DGKZ: variants seen among roughly 807,000 people sequenced by gnomAD.
DGKZ encodes the protein diacylglycerol kinase zeta, also known as DAG kinase zeta.
A neutral mutation model predicts 142.5 loss-of-function variants in DGKZ; 45 were observed. The observed-to-expected ratio is 0.32, with a 90% CI of 0.25 to 0.40. The LOEUF is 0.40. DGKZ is among the 10% of genes least tolerant of loss of function. The pLI is 1.00. For missense variants in DGKZ, 755 were observed against 1,306.5 expected (o/e 0.58, Z 6.51); for synonymous variants, 442 against 527.0 (o/e 0.84, Z 2.21).
chr11:46,377,368 G>T, intron 25 of DGKZ, 156 bp downstream of exon 25: 1 of 1,357,354 alleles, frequency 7.4e-7, no homozygotes, highest in Non-Finnish European at 9.7e-7. Context: ...CAGCCCTGTG[G>T]TTCTGTGGGG....
At position 46,342,154 on chromosome 11, in the gene DGKZ, G is replaced by A. The variant is rs185440152; in HGVS notation, c.212+8667G>A. Reference sequence around the variant, plus strand: ...CTTACCCAGATTCTTCTTCCTGTGTGTACCTGGGTGGATTCTGAGGGGTCC... The same window carrying A: ...CTTACCCAGATTCTTCTTCCTGTGTATACCTGGGTGGATTCTGAGGGGTCC... On this transcript the variant is annotated intron_variant, in intron 1 of 30. Transcript: ENST00000343674. Among the ~76,000 whole-genome samples the A allele has an allele frequency of 3.6e-3, 545 of 152,292 alleles. 1 individual carries two copies. Among genetic ancestry groups the A allele is most frequent in the Middle Eastern group, 6.8e-3 (2 of 294 alleles).
chr11:46,369,960 A>G, exon 6 of DGKZ: 1 of 1,613,574 alleles, frequency 6.2e-7, no homozygotes, highest in Non-Finnish European at 8.5e-7. Context: ...GTACGGCACC[A>G]CTGGGTACAC....
In DGKZ at chr11:46,379,041, G is replaced by A. The variant is rs779153269; in HGVS notation, c.2469G>A (p.Gln823=). 52 of 1,595,056 alleles carry A rather than the reference G, an allele frequency of 3.3e-5. No individual in the cohort carries two copies. Among genetic ancestry groups the A allele is most frequent in the African/African-American group, 5.4e-5 (4 of 74,650 alleles). Residue 823 remains glutamine (Q), a synonymous_variant, in exon 28 of 31, where the codon CAG becomes CAA. Transcript: ENST00000527911. ...GCGACCTCATGCACCGAGACGAGCA[G>A]AGTCGCACGCTCCTGCACCACGCAG...
intron 6 of DGKZ, 38 bp from the exon 7 acceptor site, chr11:46,371,275 C>G (rs10838601): frequency 0.34 from 545,772 of 1,600,204 alleles, 102,440 homozygotes; most frequent in African/African-American, 0.76. Flanking sequence ...TGCTGCTCCA[C>G]GCCTGCCCTG....
intron 5 of DGKZ, 64 bp from the exon 6 acceptor site, chr11:46,369,877 C>A: frequency 6.4e-7 from 1 of 1,562,354 alleles, no homozygotes; most frequent in Non-Finnish European, 8.8e-7. Context: ...GCCGTGTGGG[C>A]AGTCCTCAGG....
At chr11:46,333,380 G>A (rs1939862648) in exon 1 of DGKZ, 3 of 1,418,996 alleles carry the variant, frequency 2.1e-6, no homozygotes, top group African/African-American at 1.5e-5. Context: ...GCGGGGAGGA[G>A]GCCCAGGTCG....
chr11:46,353,732 G>A (rs1341670254), intron 1 of DGKZ, among the ~76,000 whole-genome samples: 2 of 149,236 alleles, frequency 1.3e-5, no homozygotes, highest in Admixed American at 1.3e-4. Flanking sequence ...TGAGAGGAGA[G>A]GGAGGGCCCC....
upstream of DGKZ, chr11:46,345,296 T>C (rs1259004567): frequency 2.2e-6 from 3 of 1,362,934 alleles, no homozygotes; most frequent in South Asian, 1.8e-5. The surrounding 1 kb of genome is among the most constrained non-coding windows in gnomAD (Gnocchi z 4.1). Flanking sequence ...AAGGCGCCTA[T>C]GAGCCCTGAG....
exon 31 of DGKZ, chr11:46,379,843 C>A (rs759458475): frequency 2.5e-6 from 4 of 1,610,068 alleles, no homozygotes; most frequent in East Asian, 4.5e-5. Flanking sequence ...CGACACTCCC[C>A]GGCAGCGGGC....
chr11:46,337,602 T>C (rs1416019840), intron 1 of DGKZ, among the ~76,000 whole-genome samples: 1 of 152,088 alleles, frequency 6.6e-6, no homozygotes, highest in African/African-American at 2.4e-5. Context: ...AGCCTTAAAA[T>C]GGATTCTAAA....
chr11:46,375,128 G>A (rs1456984978), intron 19 of DGKZ, 83 bp downstream of exon 19: 5 of 1,309,888 alleles, frequency 3.8e-6, no homozygotes, highest in East Asian at 2.5e-5. Flanking sequence ...CATGGGCCAC[G>A]GCGGCCTAGT....
chr11:46,362,795 C>T (rs1265844386), intron 1 of DGKZ, among the ~76,000 whole-genome samples: 1 of 152,214 alleles, frequency 6.6e-6, no homozygotes, highest in Admixed American at 6.5e-5. Context: ...TCCGGCCTGC[C>T]TGCCCCGATA....
chr11:46,378,303 G>A (rs1944792057), intron 26 of DGKZ, 74 bp downstream of exon 26: 2 of 1,556,402 alleles, frequency 1.3e-6, no homozygotes, highest in Admixed American at 1.9e-5. Flanking sequence ...TGGGGATAGG[G>A]CCCAGACACA....
At chr11:46,371,857 C>T (rs1943984741) in intron 9 of DGKZ, 82 bp downstream of exon 9, 7 of 1,493,296 alleles carry the variant, frequency 4.7e-6, no homozygotes, top group Middle Eastern at 1.8e-4. Context: ...CCACCCCCAG[C>T]TAATGCTGCC....
Position 46,367,149 on chromosome 11 carries a change from C to A in DGKZ, c.162-142C>A. On this transcript the variant is annotated intron_variant, in intron 1 of 30. Coordinates refer to ENST00000527911, the Ensembl canonical transcript of DGKZ. This position sits in a 1 kb window ranked among gnomAD's most constrained non-coding sequence, Gnocchi z 4.1. Reference sequence around the variant, plus strand: ...AAAAGGCCATGTCTCTTGCAGGGAGCCTCTTAGTGTCTGGGGCTGCTGGGA... The same window carrying A: ...AAAAGGCCATGTCTCTTGCAGGGAGACTCTTAGTGTCTGGGGCTGCTGGGA... 1 of 1,236,522 alleles carries A rather than the reference C, an allele frequency of 8.1e-7. No individual in the cohort carries two copies. The highest frequency in any genetic ancestry group is 1.3e-5 in the South Asian group (1 of 76,490). 76.6% of individuals were successfully genotyped at this position (1,236,522 alleles called of 1,614,324 possible).
intron 1 of DGKZ, among the ~76,000 whole-genome samples, chr11:46,357,623 C>T (rs2136428383): frequency 6.6e-6 from 1 of 152,394 alleles, no homozygotes; most frequent in East Asian, 1.9e-4. Context: ...ATGCTGGACT[C>T]ACTGCCAGGC....
At chr11:46,379,937 C>G (rs201466672) in exon 31 of DGKZ, 1 of 1,605,900 alleles carries the variant, frequency 6.2e-7, no homozygotes, top group East Asian at 2.2e-5. Flanking sequence ...GACCAGGAGA[C>G]GGCTGTGTAG....
At chr11:46,365,024 T>C in intron 1 of DGKZ, 1 of 985,474 alleles carries the variant, frequency 1.0e-6, no homozygotes, top group South Asian at 4.7e-5. Flanking sequence ...CCAGGCAGGC[T>C]GCCCTTCCCC....
intron 1 of DGKZ, chr11:46,366,701 G>A (rs771673646): frequency 5.1e-6 from 8 of 1,563,210 alleles, no homozygotes; most frequent in Admixed American, 1.9e-5. Flanking sequence ...ACCTCGGGGC[G>A]CCCAGCCGCT....
Sources: gnomAD v4.1 joint callset for allele counts (sites outside exome capture counted in the v4.1 genomes callset) on GRCh38, gnomAD v4.1.1 for gene constraint, Gnocchi (gnomAD v3.1) non-coding constraint, MANE v1.5 for transcripts, NCBI Gene and HGNC (gene_info 2026-07-23, HGNC 2026-07-21) for gene names.